The following RORA variants were observed in gnomAD, a reference collection of about 807,000 sequenced individuals.
The protein encoded by RORA is nuclear receptor ROR-alpha.
A neutral mutation model predicts 69.5 loss-of-function variants in RORA; 7 were observed. The observed-to-expected ratio is 0.10, with a 90% CI of 0.06 to 0.19. The LOEUF (loss-of-function observed/expected upper bound fraction) is 0.19. RORA is among the 10% of genes least tolerant of loss of function. The pLI is 1.00. For synonymous variants in RORA, 261 were observed against 240.8 expected, an observed-to-expected ratio of 1.08 and a Z score of -0.78; for missense variants, 457 against 663.0, an observed-to-expected ratio of 0.69 and a Z score of 3.41.
intron 1 of RORA, among the ~76,000 whole-genome samples, chr15:61,198,986 C>A (rs1256938826): frequency 6.6e-6 from 1 of 152,166 alleles, no homozygotes; most frequent in African/African-American, 2.4e-5. Flanking sequence ...CTTCTCTCAC[C>A]ACCTGCTAGC....
At chr15:60,526,595 G>A (rs897494247) in intron 3 of RORA, among the ~76,000 whole-genome samples, 15 of 152,144 alleles carry the variant, frequency 9.9e-5, no homozygotes, top group South Asian at 4.1e-4. Flanking sequence ...AAAAATTTTC[G>A]CTTACTGCCT....
chr15:60,865,613 G>A (rs1188723593), intron 1 of RORA, among the ~76,000 whole-genome samples: 1 of 152,202 alleles, frequency 6.6e-6, no homozygotes, highest in Non-Finnish European at 1.5e-5. Context: ...CACAGTTTAA[G>A]TGAAAGGAAT....
At chr15:60,657,576 G>T (rs905613314) in intron 2 of RORA, among the ~76,000 whole-genome samples, 1 of 152,188 alleles carries the variant, frequency 6.6e-6, no homozygotes, top group Admixed American at 6.5e-5. Context: ...CTATGCCAGC[G>T]TGCAGACCCT....
At chr15:60,498,809 A>G (rs1298975419) in intron 10 of RORA, among the ~76,000 whole-genome samples, 2 of 151,994 alleles carry the variant, frequency 1.3e-5, no homozygotes, top group East Asian at 1.9e-4. Flanking sequence ...AAAGCAAAAC[A>G]GCAATTAACC....
At chr15:60,985,201 TATG>T (rs1196314824) in intron 1 of RORA, among the ~76,000 whole-genome samples, 1 of 152,224 alleles carries the variant, frequency 6.6e-6, no homozygotes, top group Non-Finnish European at 1.5e-5. Context: ...CTTTTTCTAT[TATG>T]ATGAGTGAGA....
rs965918447 is a variant in RORA at position 61,053,827 on chromosome 15, T to C, written c.166+175226A>G. 9.3e-4 allele frequency among the ~76,000 whole-genome samples: 63 copies of C among 67,764 alleles called. 2 individuals are homozygous for C. The highest frequency in any genetic ancestry group is 3.5e-3 in the African/African-American group (59 of 16,930). 44.5% of individuals were successfully genotyped at this position (67,764 alleles called of 152,430 possible). On this transcript the variant is annotated intron_variant, in intron 1 of 10. Transcript: ENST00000335670. ...TGCTCCGTTAAGAATCTACACAGCA[T>C]GAAGAGTGTTTAGACTTCATGATAT... is the stretch of plus-strand genomic sequence containing the variant.
At chr15:61,058,177 GTGT>G (rs2078122191) in intron 1 of RORA, among the ~76,000 whole-genome samples, 1 of 152,164 alleles carries the variant, frequency 6.6e-6, no homozygotes, top group Non-Finnish European at 1.5e-5. Flanking sequence ...AACCCGCAAG[GTGT>G]TGTGAGATTG....
chr15:60,733,037 C>T (rs1024123219), intron 1 of RORA, among the ~76,000 whole-genome samples: 11 of 152,214 alleles, frequency 7.2e-5, no homozygotes, highest in East Asian at 1.9e-4. Flanking sequence ...ACCTGCTCTG[C>T]GGCCGGCCCC....
rs937243976 is a variant in RORA, at chr15:61,168,238, A to G, written c.166+60815T>C. Among the ~76,000 whole-genome samples, 6 of 150,656 alleles carry G rather than the reference A, an allele frequency of 4.0e-5. No homozygotes were observed. In the East Asian group the frequency reaches 5.9e-4, roughly 15 times the overall value. On this transcript the variant is annotated intron_variant, in intron 1 of 10. Coordinates refer to ENST00000335670, the MANE Select transcript of RORA (RefSeq NM_134261.3). ...CGTGCGTGTGTGTGTGTGTGTGTGT[A>G]TGTATTTTGAGACGGAGTCTTGCTC... is the stretch of plus-strand genomic sequence containing the variant.
chr15:60,513,438 A>G (rs917530612), intron 4 of RORA, among the ~76,000 whole-genome samples: 1 of 152,236 alleles, frequency 6.6e-6, no homozygotes, highest in Non-Finnish European at 1.5e-5. Flanking sequence ...CGCAATTATG[A>G]TTTAACTTTT....
At chr15:60,543,332 C>A (rs2066961894) in intron 2 of RORA, among the ~76,000 whole-genome samples, 1 of 151,920 alleles carries the variant, frequency 6.6e-6, no homozygotes, top group Non-Finnish European at 1.5e-5. Flanking sequence ...AGAACTTGGA[C>A]ACTTTCTTAA....
chr15:60,680,163 T>C (rs764077631), intron 1 of RORA, among the ~76,000 whole-genome samples: 2 of 152,206 alleles, frequency 1.3e-5, no homozygotes, highest in African/African-American at 2.4e-5. Context: ...CACCAATAAA[T>C]TGATACATTA....
At chr15:60,964,719 T>G (rs1166107680) in intron 1 of RORA, among the ~76,000 whole-genome samples, 3 of 152,182 alleles carry the variant, frequency 2.0e-5, no homozygotes, top group Admixed American at 1.3e-4. Context: ...AGCTTATGAA[T>G]GCACTGGGAG....
chr15:60,598,975 A>C (rs1434389894), intron 2 of RORA, among the ~76,000 whole-genome samples: 3 of 152,226 alleles, frequency 2.0e-5, no homozygotes, highest in Non-Finnish European at 2.9e-5. Flanking sequence ...GACAAAAATC[A>C]AGGTATCAGT....
chr15:60,726,970 G>GT (rs1232804480), intron 1 of RORA, among the ~76,000 whole-genome samples: 1 of 152,114 alleles, frequency 6.6e-6, no homozygotes, highest in Non-Finnish European at 1.5e-5. Context: ...GATATAAAGT[G>GT]TTTTTTGAGC....
intron 1 of RORA, among the ~76,000 whole-genome samples, chr15:60,877,807 T>C (rs2073634876): frequency 6.6e-6 from 1 of 152,216 alleles, no homozygotes; most frequent in African/African-American, 2.4e-5. Flanking sequence ...TTTCATGCTA[T>C]GGAATTATGT....
chr15:60,771,263 A>T (rs1002112112), intron 1 of RORA, among the ~76,000 whole-genome samples: 1 of 152,044 alleles, frequency 6.6e-6, no homozygotes, highest in African/African-American at 2.4e-5. Context: ...GCCCTGGATT[A>T]TTCAAGACTG....
intron 1 of RORA, among the ~76,000 whole-genome samples, chr15:60,717,072 G>T (rs899625700): frequency 6.6e-6 from 1 of 152,188 alleles, no homozygotes; most frequent in Non-Finnish European, 1.5e-5. Context: ...GAAAGCATGG[G>T]GGGCAGTTGT....
chr15:60,974,632 G>A (rs373581471), intron 1 of RORA, among the ~76,000 whole-genome samples: 3 of 152,110 alleles, frequency 2.0e-5, no homozygotes, highest in East Asian at 1.9e-4. Context: ...TTCATTCCAC[G>A]TGCACTGAGT....
Sources: gnomAD v4.1 joint callset for allele counts (sites outside exome capture counted in the v4.1 genomes callset) on GRCh38, gnomAD v4.1.1 for gene constraint, MANE v1.5 for transcripts, NCBI Gene and HGNC (gene_info 2026-07-23, HGNC 2026-07-21) for gene names.